DLG2: variants seen among roughly 807,000 people sequenced by gnomAD.
DLG2 encodes disks large homolog 2.
Under a neutral mutation model 132.5 loss-of-function variants are expected in DLG2, and 45 were observed. The ratio of observed to expected loss-of-function variants is 0.34; its 90% confidence interval spans 0.27 to 0.44. The LOEUF is 0.44. Ranked by LOEUF, DLG2 falls within the 20% of genes least tolerant of loss-of-function variation. DLG2 has a pLI of 1.00. For missense variants in DLG2, 1,045 were observed against 1,196.9 expected, an observed-to-expected ratio of 0.87 and a Z score of 1.87; for synonymous variants, 424 against 419.6, an observed-to-expected ratio of 1.01 and a Z score of -0.13.
intron 6 of DLG2, among the ~76,000 whole-genome samples, chr11:84,750,061 T>C (rs1000492712): frequency 6.6e-6 from 1 of 152,138 alleles, no homozygotes; most frequent in Non-Finnish European, 1.5e-5. Context: ...TATGCCACCT[T>C]TTTCATTTGC....
intron 6 of DLG2, among the ~76,000 whole-genome samples, chr11:84,747,324 C>T (rs887738950): frequency 1.3e-5 from 2 of 152,000 alleles, no homozygotes; most frequent in African/African-American, 2.4e-5. Context: ...TTCACACAAC[C>T]TGTATACATA....
chr11:85,498,850 T>A (rs903901070), intron 3 of DLG2, among the ~76,000 whole-genome samples: 1 of 152,124 alleles, frequency 6.6e-6, no homozygotes, highest in Non-Finnish European at 1.5e-5. Context: ...GACTACTGGG[T>A]AAATAATGAA....
chr11:84,548,306 G>C (rs897989603), intron 6 of DLG2, among the ~76,000 whole-genome samples: 2 of 151,782 alleles, frequency 1.3e-5, no homozygotes, highest in African/African-American at 4.8e-5. Context: ...TATACTTTAA[G>C]TTTTAGGGTA....
At chr11:84,232,258 T>A (rs1269004627) in intron 8 of DLG2, among the ~76,000 whole-genome samples, 1 of 152,070 alleles carries the variant, frequency 6.6e-6, no homozygotes, top group Non-Finnish European at 1.5e-5. Flanking sequence ...TCAGAGCGCT[T>A]ACTATTTTAT....
chr11:85,296,022 A>C (rs2079185309), intron 3 of DLG2, among the ~76,000 whole-genome samples: 1 of 152,208 alleles, frequency 6.6e-6, no homozygotes, highest in Non-Finnish European at 1.5e-5. Flanking sequence ...TTGGCCTCTC[A>C]GATTTGCTTT....
At chr11:83,513,987 G>A (rs1362179417) in intron 21 of DLG2, among the ~76,000 whole-genome samples, 1 of 152,072 alleles carries the variant, frequency 6.6e-6, no homozygotes, top group African/African-American at 2.4e-5. Flanking sequence ...TGTTCTTTTG[G>A]CTTAGGATTG....
chr11:85,054,963 A>T (rs1566746245), intron 6 of DLG2, among the ~76,000 whole-genome samples: 1 of 152,162 alleles, frequency 6.6e-6, no homozygotes, highest in African/African-American at 2.4e-5. Context: ...ACGCAGCATC[A>T]TGCAATATAC....
Position 83,733,000 on chromosome 11 carries a change from C to T in DLG2, c.1825+53690G>A, listed in dbSNP as rs530309439. Among the ~76,000 whole-genome samples, 6 of 152,070 alleles carry T rather than the reference C, an allele frequency of 3.9e-5. No homozygotes were observed. The South Asian group carries it at 8.3e-4, about 21-fold the overall frequency. ...CTCACGCCTGTAATCCCAGCACTTT[C>T]GGAGGCTGAGGCAGGCAGATCACTT... On this transcript the variant is annotated intron_variant, in intron 18 of 27. Transcript: ENST00000376104.
intron 6 of DLG2, among the ~76,000 whole-genome samples, chr11:84,714,647 T>TCTCTCTC (rs2060981509): frequency 2.2e-5 from 2 of 90,646 alleles, no homozygotes; most frequent in African/African-American, 5.9e-5. Flanking sequence ...CTCTCTCTCT[T>TCTCTCTC]TCTCTCTCTC....
chr11:83,936,241 C>T (rs73508283), intron 14 of DLG2, among the ~76,000 whole-genome samples: 3,120 of 152,298 alleles, frequency 0.02, 96 homozygotes, highest in African/African-American at 0.071. Context: ...GCAAAAGGTA[C>T]TGCACAGGTG....
At chr11:84,802,433 G>C (rs1466537025) in intron 6 of DLG2, among the ~76,000 whole-genome samples, 1 of 152,126 alleles carries the variant, frequency 6.6e-6, no homozygotes, top group Non-Finnish European at 1.5e-5. Flanking sequence ...TAGGGCAAGA[G>C]AGAAGAAATA....
chr11:84,788,655 A>G (rs192986251), intron 6 of DLG2, among the ~76,000 whole-genome samples: 91 of 152,268 alleles, frequency 6.0e-4, no homozygotes, highest in Non-Finnish European at 1.1e-3. Context: ...CATATACTAA[A>G]TAATACAGTT....
intron 6 of DLG2, among the ~76,000 whole-genome samples, chr11:84,815,320 T>C (rs996581456): frequency 6.6e-6 from 1 of 152,084 alleles, no homozygotes; most frequent in Non-Finnish European, 1.5e-5. Flanking sequence ...AGGAGAGTTT[T>C]TGACTGTCCC....
At chr11:84,208,378 C>G (rs929377074) in intron 8 of DLG2, among the ~76,000 whole-genome samples, 1 of 142,936 alleles carries the variant, frequency 7.0e-6, no homozygotes, top group African/African-American at 2.7e-5. Flanking sequence ...TGGACTCGCT[C>G]TGTCATGCAG....
intron 6 of DLG2, among the ~76,000 whole-genome samples, chr11:84,826,892 C>T (rs1418572115): frequency 6.6e-6 from 1 of 151,802 alleles, no homozygotes; most frequent in Non-Finnish European, 1.5e-5. Flanking sequence ...CAATATTTCT[C>T]CTTGTCTATA....
chr11:85,058,752 G>C (rs1004921000), intron 6 of DLG2, among the ~76,000 whole-genome samples: 5 of 151,230 alleles, frequency 3.3e-5, no homozygotes, highest in Non-Finnish European at 3.0e-5. Context: ...TACATCAAAG[G>C]TATACTATAA....
At chr11:85,179,066 G>C (rs1384147003) in intron 4 of DLG2, among the ~76,000 whole-genome samples, 1 of 151,788 alleles carries the variant, frequency 6.6e-6, no homozygotes, top group African/African-American at 2.4e-5. Context: ...ACACACAAGA[G>C]TAAAACTGAA....
At chr11:83,768,796 C>T (rs2094255332) in intron 18 of DLG2, among the ~76,000 whole-genome samples, 1 of 152,120 alleles carries the variant, frequency 6.6e-6, no homozygotes, top group Admixed American at 6.6e-5. Flanking sequence ...GCCTTTTTCT[C>T]CTTCTAAAGA....
At chr11:84,823,447 T>TA in intron 6 of DLG2, among the ~76,000 whole-genome samples, 1 of 151,936 alleles carries the variant, frequency 6.6e-6, no homozygotes, top group East Asian at 2.0e-4. Context: ...CTAACCTTTT[T>TA]ACTTGCTATT....
Sources: gnomAD v4.1 joint callset for allele counts (sites outside exome capture counted in the v4.1 genomes callset) on GRCh38, gnomAD v4.1.1 for gene constraint, MANE v1.5 for transcripts, NCBI Gene and HGNC (gene_info 2026-07-23, HGNC 2026-07-21) for gene names.